The following GRM7 variants were observed in gnomAD, a reference collection of about 807,000 sequenced individuals.
The protein encoded by GRM7 is metabotropic glutamate receptor 7.
GRM7 carries 35 observed loss-of-function variants against 84.5 expected under a neutral mutation model. That is an observed-to-expected ratio of 0.41 (90% CI 0.32 to 0.55). The LOEUF (loss-of-function observed/expected upper bound fraction) is 0.55. Among genes scored for constraint, GRM7 ranks in the 20% least tolerant of loss-of-function variants. GRM7 has a pLI of 0.19. For synonymous variants in GRM7, 487 were observed against 455.1 expected (o/e 1.07, Z -0.89); for missense variants, 1,003 against 1,194.6 (o/e 0.84, Z 2.36).
intron 1 of GRM7, among the ~76,000 whole-genome samples, chr3:7,083,453 C>T (rs1262531778): frequency 2.6e-5 from 4 of 152,130 alleles, no homozygotes; most frequent in Non-Finnish European, 5.9e-5. Flanking sequence ...TCATGTGACT[C>T]GCTTTACTGT....
intron 1 of GRM7, among the ~76,000 whole-genome samples, chr3:7,135,671 A>G (rs968887352): frequency 3.1e-4 from 47 of 151,956 alleles, no homozygotes; most frequent in African/African-American, 1.0e-3. Flanking sequence ...TACAATAAAG[A>G]GAGGAAGAAT....
At chr3:7,202,149 T>G (rs1696089071) in intron 2 of GRM7, among the ~76,000 whole-genome samples, 1 of 152,122 alleles carries the variant, frequency 6.6e-6, no homozygotes, top group Non-Finnish European at 1.5e-5. Context: ...TAAAGGCTAT[T>G]TTCAGGGTTA....
intron 2 of GRM7, among the ~76,000 whole-genome samples, chr3:7,148,755 A>G (rs1042193880): frequency 1.3e-5 from 2 of 152,180 alleles, no homozygotes; most frequent in Admixed American, 6.6e-5. Context: ...CCAATCCTAC[A>G]TTGAAAAGCC....
At chr3:7,370,511 C>T (rs1171134642) in intron 4 of GRM7, among the ~76,000 whole-genome samples, 1 of 152,098 alleles carries the variant, frequency 6.6e-6, no homozygotes, top group Non-Finnish European at 1.5e-5. Flanking sequence ...GTGAGTCCTC[C>T]ACAGCCATGC....
intron 7 of GRM7, among the ~76,000 whole-genome samples, chr3:7,498,536 G>C (rs1036433830): frequency 1.3e-5 from 2 of 152,110 alleles, no homozygotes; most frequent in South Asian, 2.1e-4. Context: ...AGATTCCCTA[G>C]GGTTGAATCC....
intron 1 of GRM7, among the ~76,000 whole-genome samples, chr3:6,976,264 C>T (rs1235743140): frequency 2.0e-5 from 3 of 152,150 alleles, no homozygotes; most frequent in Non-Finnish European, 4.4e-5. Flanking sequence ...GAAAAAGGCC[C>T]AACATTTTAC....
At chr3:7,546,648 G>T (rs1315833940) in intron 7 of GRM7, among the ~76,000 whole-genome samples, 6 of 151,892 alleles carry the variant, frequency 4.0e-5, no homozygotes, top group African/African-American at 1.5e-4. Context: ...AATTAACACT[G>T]ACTTTGAATT....
At chr3:7,398,952 C>A (rs923951007) in intron 4 of GRM7, among the ~76,000 whole-genome samples, 3 of 151,912 alleles carry the variant, frequency 2.0e-5, no homozygotes, top group African/African-American at 7.3e-5. Context: ...TCTTTGACAC[C>A]TTCAAATGCG....
chr3:7,302,224 T>C (rs1477504837), intron 3 of GRM7, among the ~76,000 whole-genome samples: 7 of 152,184 alleles, frequency 4.6e-5, no homozygotes, highest in Middle Eastern at 3.2e-3. Flanking sequence ...ATTCCAGCAC[T>C]CAGAGATAAC....
chr3:6,949,957 C>T (rs1220527657), intron 1 of GRM7, among the ~76,000 whole-genome samples: 1 of 152,146 alleles, frequency 6.6e-6, no homozygotes, highest in African/African-American at 2.4e-5. Flanking sequence ...ATCCATTCGT[C>T]TAATTTTTTT....
At chr3:7,011,142 C>A (rs961727962) in intron 1 of GRM7, among the ~76,000 whole-genome samples, 1 of 152,012 alleles carries the variant, frequency 6.6e-6, no homozygotes, top group Non-Finnish European at 1.5e-5. Context: ...TAATGGGGGA[C>A]AGGGGACAAA....
intron 4 of GRM7, among the ~76,000 whole-genome samples, chr3:7,345,637 A>G (rs1471966728): frequency 2.6e-5 from 4 of 152,150 alleles, no homozygotes; most frequent in Middle Eastern, 3.4e-3. Flanking sequence ...TTTGCAGCCT[A>G]TTTTAGGCAC....
intron 1 of GRM7, among the ~76,000 whole-genome samples, chr3:7,103,778 CTT>C (rs1699195168): frequency 9.5e-6 from 1 of 105,514 alleles, no homozygotes; most frequent in African/African-American, 5.5e-5. Flanking sequence ...TTCTTTCTTT[CTT>C]TCTTTCTTTC....
chr3:6,962,536 C>CA (rs1403348392), intron 1 of GRM7, among the ~76,000 whole-genome samples: 1 of 152,166 alleles, frequency 6.6e-6, no homozygotes, highest in Non-Finnish European at 1.5e-5. Flanking sequence ...TTTTCTTCAA[C>CA]AGTCAATGAG....
chr3:7,243,170 C>G (rs1381938944), intron 2 of GRM7, among the ~76,000 whole-genome samples: 2 of 152,102 alleles, frequency 1.3e-5, no homozygotes, highest in Admixed American at 1.3e-4. Context: ...GATTTAAGCA[C>G]ATATTTGAAC....
chr3:7,516,230 G>C (rs1464389696), intron 7 of GRM7, among the ~76,000 whole-genome samples: 1 of 148,852 alleles, frequency 6.7e-6, no homozygotes, highest in Non-Finnish European at 1.5e-5. Context: ...CCAGCACTTC[G>C]GGAAGCCGAA....
At chr3:7,331,376 A>C (rs114375818) in intron 4 of GRM7, among the ~76,000 whole-genome samples, 5,997 of 151,830 alleles carry the variant, frequency 0.039, 246 homozygotes, top group African/African-American at 0.11. Context: ...ATTTCCTTGA[A>C]GAGCAGAATT....
At chr3:7,276,203 A>ATGTG (rs777846167) in intron 2 of GRM7, among the ~76,000 whole-genome samples, 88 of 124,732 alleles carry the variant, frequency 7.1e-4, no homozygotes, top group African/African-American at 2.5e-3. Flanking sequence ...ATATATATAT[A>ATGTG]TATATGTGTG....
chr3:7,307,169 T>A (rs944431680), intron 4 of GRM7, among the ~76,000 whole-genome samples: 1 of 152,168 alleles, frequency 6.6e-6, no homozygotes, highest in Admixed American at 6.5e-5. Flanking sequence ...TTTCACTCTC[T>A]CCTTTTCTTG....
Sources: gnomAD v4.1 joint callset for allele counts (sites outside exome capture counted in the v4.1 genomes callset) on GRCh38, gnomAD v4.1.1 for gene constraint, MANE v1.5 for transcripts, NCBI Gene and HGNC (gene_info 2026-07-23, HGNC 2026-07-21) for gene names.